Variants in HERC4 observed in about 807,000 individuals in gnomAD.
HERC4 encodes the protein probable E3 ubiquitin-protein ligase HERC4.
A neutral mutation model predicts 124.3 loss-of-function variants in HERC4; 28 were observed. That is an observed-to-expected ratio of 0.23 (90% confidence interval 0.17 to 0.31). The LOEUF (loss-of-function observed/expected upper bound fraction) is 0.31, where lower values mean the gene tolerates loss of function less well. HERC4 is among the 10% of genes least tolerant of loss of function. The pLI is 1.00. For synonymous variants in HERC4, 407 were observed against 421.5 expected, an observed-to-expected ratio of 0.97 and a Z score of 0.42; for missense variants, 713 against 1,229.3, an observed-to-expected ratio of 0.58 and a Z score of 6.28.
chr10:68,019,144 G>T (rs1303574451), intron 8 of HERC4, among the ~76,000 whole-genome samples: 1 of 151,788 alleles, frequency 6.6e-6, no homozygotes, highest in Non-Finnish European at 1.5e-5. Context: ...TTACAGGCAT[G>T]TGCCACCACG....
chr10:68,060,179 T>C (rs2040930491), intron 3 of HERC4, among the ~76,000 whole-genome samples: 1 of 151,684 alleles, frequency 6.6e-6, no homozygotes, highest in South Asian at 2.1e-4. Context: ...GGTTTACTGT[T>C]ATTATTTTTT....
intron 14 of HERC4, 125 bp downstream of exon 14, chr10:67,990,086 G>A (rs1034984698): frequency 7.7e-6 from 5 of 652,742 alleles, no homozygotes; most frequent in African/African-American, 7.6e-5. Context: ...GGAAAAACAG[G>A]TTCATTTTTG....
intron 8 of HERC4, among the ~76,000 whole-genome samples, chr10:68,015,417 A>T (rs2038203145): frequency 6.6e-6 from 1 of 152,222 alleles, no homozygotes; most frequent in African/African-American, 2.4e-5. Context: ...ATTTTAGGTC[A>T]CTAGGTTTTG....
chr10:67,963,479 A>T (rs2034655299), intron 16 of HERC4, among the ~76,000 whole-genome samples: 1 of 152,164 alleles, frequency 6.6e-6, no homozygotes. Flanking sequence ...GGCCTCCCAA[A>T]GTGCTGGGAC....
intron 19 of HERC4, among the ~76,000 whole-genome samples, chr10:67,948,856 G>A: frequency 6.6e-6 from 1 of 152,062 alleles, no homozygotes. Context: ...GGGAGGCAGA[G>A]GTTGCAGTGA....
intron 3 of HERC4, among the ~76,000 whole-genome samples, chr10:68,057,847 G>T (rs1442384973): frequency 6.6e-6 from 1 of 151,722 alleles, no homozygotes; most frequent in Non-Finnish European, 1.5e-5. Context: ...TTACAAGCGT[G>T]CATCACCACA....
At chr10:68,062,603 A>G (rs1052191296) in intron 3 of HERC4, among the ~76,000 whole-genome samples, 1 of 151,708 alleles carries the variant, frequency 6.6e-6, no homozygotes, top group Non-Finnish European at 1.5e-5. Flanking sequence ...AATACAAAAA[A>G]AAAAAAATTA....
At chr10:67,981,706 C>G (rs1336363425) in intron 15 of HERC4, among the ~76,000 whole-genome samples, 1 of 152,138 alleles carries the variant, frequency 6.6e-6, no homozygotes, top group African/African-American at 2.4e-5. Context: ...CCGGGTAATC[C>G]CAGCACTTTG....
intron 3 of HERC4, among the ~76,000 whole-genome samples, chr10:68,051,860 G>A (rs1253485883): frequency 6.7e-6 from 1 of 148,844 alleles, no homozygotes; most frequent in African/African-American, 2.5e-5. Context: ...TTAGAGGTGG[G>A]GTTTCACTAT....
chr10:68,015,638 GCTAGATTA>G (rs2038217678), intron 8 of HERC4, among the ~76,000 whole-genome samples: 2 of 152,144 alleles, frequency 1.3e-5, no homozygotes. Context: ...TAGCTAGTCT[GCTAGATTA>G]CTACCCTCCC....
intron 3 of HERC4, among the ~76,000 whole-genome samples, chr10:68,050,563 T>A (rs1470395697): frequency 1.3e-5 from 2 of 152,206 alleles, no homozygotes; most frequent in Non-Finnish European, 2.9e-5. Flanking sequence ...GGATAATGAC[T>A]TCAGCAATAC....
intron 9 of HERC4, chr10:67,995,954 A>T (rs144284857): frequency 1.4e-5 from 4 of 288,246 alleles, no homozygotes; most frequent in East Asian, 2.6e-4. Flanking sequence ...AACAGACATC[A>T]TATCTTCCAC....
At chr10:68,009,198 G>A (rs935256841) in intron 9 of HERC4, among the ~76,000 whole-genome samples, 3 of 151,696 alleles carry the variant, frequency 2.0e-5, no homozygotes, top group East Asian at 1.9e-4. Context: ...CACTTCCAGC[G>A]TGGGTGACAG....
intron 7 of HERC4, among the ~76,000 whole-genome samples, chr10:68,026,391 T>C (rs1050929122): frequency 1.3e-5 from 2 of 150,338 alleles, no homozygotes; most frequent in Admixed American, 6.6e-5. Context: ...CCACCATGCA[T>C]GGCCTTATAG....
intron 7 of HERC4, 134 bp from the exon 8 acceptor site, chr10:68,025,810 G>T: frequency 1.4e-6 from 1 of 724,346 alleles, no homozygotes; most frequent in Non-Finnish European, 2.1e-6. Flanking sequence ...CAATTTAACA[G>T]ACAGATGGCT....
intron 15 of HERC4, among the ~76,000 whole-genome samples, chr10:67,984,301 CAAAA>C (rs928310831): frequency 1.5e-5 from 1 of 67,860 alleles, no homozygotes; most frequent in Admixed American, 1.8e-4. Context: ...GACTCCATCT[CAAAA>C]AAAAAAAAAA....
intron 9 of HERC4, among the ~76,000 whole-genome samples, chr10:68,011,067 C>A (rs1472662835): frequency 6.6e-6 from 1 of 152,138 alleles, no homozygotes; most frequent in African/African-American, 2.4e-5. Context: ...ATTTTGACTT[C>A]CTCCCATGAA....
In HERC4 at chr10:67,988,770, CA is replaced by C; in HGVS notation, c.1698del (p.Val567TrpfsTer5). ...FLKIVELFKE[V>X]VVHLLKLYKI... Reference sequence around the variant, plus strand: ...TTGTAGAGTTTCAAAAGATGTACCACAACTTCCTTAAAAAGTTCTACTATCT... The same window carrying C: ...TTGTAGAGTTTCAAAAGATGTACCACACTTCCTTAAAAAGTTCTACTATCT... On this transcript the variant is annotated frameshift_variant, in exon 15 of 25. Transcript: ENST00000373700. LOFTEE classifies it high-confidence loss of function. 1 of 1,607,546 alleles carries C rather than the reference CA, an allele frequency of 6.2e-7. No homozygotes were observed. The highest frequency in any genetic ancestry group is 8.5e-7 in the Non-Finnish European group (1 of 1,176,440).
intron 3 of HERC4, among the ~76,000 whole-genome samples, chr10:68,051,691 C>CTTTTT (rs779623868): frequency 2.7e-5 from 3 of 109,620 alleles, no homozygotes; most frequent in Non-Finnish European, 5.9e-5. Flanking sequence ...CTTTTCTTTT[C>CTTTTT]TTTTTTTTTT....
Sources: allele counts gnomAD v4.1 joint callset (sites outside exome capture counted in the v4.1 genomes callset), GRCh38; gene constraint gnomAD v4.1.1; transcripts MANE v1.5; gene names NCBI Gene and HGNC (gene_info 2026-07-23, HGNC 2026-07-21).